ARHGAP26: variants seen among roughly 807,000 people sequenced by gnomAD.
ARHGAP26 encodes rho GTPase-activating protein 26.
In ARHGAP26, 38 loss-of-function variants were observed where a neutral mutation model predicts 104.8. The ratio of observed to expected loss-of-function variants is 0.36; its 90% CI spans 0.28 to 0.48. The LOEUF is 0.48. Ranked by LOEUF, ARHGAP26 falls within the 20% of genes least tolerant of loss-of-function variation. ARHGAP26 has a pLI of 0.99. For missense variants in ARHGAP26, 704 were observed against 947.9 expected (o/e 0.74, Z 3.38); for synonymous variants, 341 against 340.0 (o/e 1.00, Z -0.03).
At chr5:143,154,653 A>AGGAC (rs1239140801) in intron 20 of ARHGAP26, among the ~76,000 whole-genome samples, 3 of 151,856 alleles carry the variant, frequency 2.0e-5, no homozygotes, top group Non-Finnish European at 2.9e-5. Flanking sequence ...GGAGGAAGGA[A>AGGAC]CTTCTGCTGT....
intron 22 of ARHGAP26, among the ~76,000 whole-genome samples, chr5:143,217,859 G>A (rs546286405): frequency 5.9e-5 from 9 of 152,302 alleles, no homozygotes; most frequent in Non-Finnish European, 1.2e-4. Context: ...AGTCATCTTT[G>A]AAAATGAAAA....
intron 17 of ARHGAP26, among the ~76,000 whole-genome samples, chr5:143,117,337 A>G (rs1266026569): frequency 6.6e-6 from 1 of 152,190 alleles, no homozygotes; most frequent in Admixed American, 6.5e-5. Context: ...ATCGAGCTAT[A>G]ATGGATGGCT....
At chr5:142,996,087 T>G (rs1365859091) in intron 11 of ARHGAP26, among the ~76,000 whole-genome samples, 1 of 152,138 alleles carries the variant, frequency 6.6e-6, no homozygotes, top group African/African-American at 2.4e-5. Flanking sequence ...AAATACCTAA[T>G]GTAGGTGACG....
At chr5:143,106,372 G>A (rs774570893) in intron 17 of ARHGAP26, among the ~76,000 whole-genome samples, 1 of 151,300 alleles carries the variant, frequency 6.6e-6, no homozygotes, top group Non-Finnish European at 1.5e-5. Context: ...GGCAACGATT[G>A]CACAGCTTCC....
chr5:142,890,154 ATATATATATATATATATATATATAT>A lies in ARHGAP26; in HGVS notation c.487-4083_487-4059del, dbSNP rs1758419119. On this transcript the variant is annotated intron_variant, in intron 5 of 22. Transcript: ENST00000645722. ...TCCGTCTTAAAAAAAAAAAAAAAATATATATATATATATATATATATATATATATATATATATATATATGAAAGTG... is the reference window on the plus strand; with the variant it reads ...TCCGTCTTAAAAAAAAAAAAAAAATAATATATATATATATATATGAAAGTG... 2.6e-4 allele frequency among the ~76,000 whole-genome samples: 12 copies of A among 46,216 alleles called. No homozygotes were observed. In the South Asian group the frequency reaches 6.1e-3, roughly 23 times the overall value. 30.3% of individuals were successfully genotyped at this position (46,216 alleles called of 152,430 possible).
chr5:142,804,238 G>A (rs904493592), intron 1 of ARHGAP26, among the ~76,000 whole-genome samples: 1 of 152,138 alleles, frequency 6.6e-6, no homozygotes, highest in Non-Finnish European at 1.5e-5. Flanking sequence ...CAAAGAACGA[G>A]ACCCAATATT....
At chr5:142,985,191 A>G (rs903483229) in intron 11 of ARHGAP26, among the ~76,000 whole-genome samples, 2 of 152,234 alleles carry the variant, frequency 1.3e-5, no homozygotes, top group African/African-American at 4.8e-5. Flanking sequence ...CTTGTTGAAT[A>G]AGGAAAAAAT....
At chr5:143,024,566 C>A (rs1340265850) in intron 12 of ARHGAP26, among the ~76,000 whole-genome samples, 1 of 152,088 alleles carries the variant, frequency 6.6e-6, no homozygotes, top group Non-Finnish European at 1.5e-5. Flanking sequence ...AAAATATTTC[C>A]CCCACTGCCA....
At chr5:143,103,951 A>G (rs1325941408) in intron 17 of ARHGAP26, among the ~76,000 whole-genome samples, 1 of 151,944 alleles carries the variant, frequency 6.6e-6, no homozygotes, top group Non-Finnish European at 1.5e-5. Context: ...AAATATATAT[A>G]TATACACACA....
intron 17 of ARHGAP26, among the ~76,000 whole-genome samples, chr5:143,060,373 T>A (rs1446359834): frequency 2.0e-5 from 3 of 152,186 alleles, no homozygotes; most frequent in Admixed American, 6.5e-5. Flanking sequence ...AAAACTGATT[T>A]CCCTTAGCCA....
chr5:142,941,036 C>G (rs1394210393), intron 11 of ARHGAP26, among the ~76,000 whole-genome samples: 1 of 126,812 alleles, frequency 7.9e-6, no homozygotes, highest in Non-Finnish European at 1.6e-5. Context: ...GATCATGCCA[C>G]TGCACTCCAG....
At chr5:142,809,165 G>C (rs1379036953) in intron 1 of ARHGAP26, among the ~76,000 whole-genome samples, 1 of 152,190 alleles carries the variant, frequency 6.6e-6, no homozygotes, top group Admixed American at 6.5e-5. Context: ...TATAAAATGT[G>C]CGTTTTCAGT....
intron 19 of ARHGAP26, among the ~76,000 whole-genome samples, chr5:143,135,386 A>G (rs1242926925): frequency 6.6e-6 from 1 of 152,204 alleles, no homozygotes; most frequent in African/African-American, 2.4e-5. Flanking sequence ...TATTGCCATC[A>G]TCATCATTAT....
At chr5:142,794,312 G>A (rs116200657) in intron 1 of ARHGAP26, among the ~76,000 whole-genome samples, 3,025 of 152,270 alleles carry the variant, frequency 0.02, 57 homozygotes, top group Middle Eastern at 0.048. Context: ...GGTAAAATAA[G>A]TGTTCTGAAA....
At chr5:143,183,208 C>T (rs1401000550) in intron 20 of ARHGAP26, among the ~76,000 whole-genome samples, 1 of 151,542 alleles carries the variant, frequency 6.6e-6, no homozygotes, top group African/African-American at 2.4e-5. Context: ...CAAATATTTA[C>T]AGAGCTGAGG....
chr5:142,914,874 A>G (rs1762278239), intron 10 of ARHGAP26, among the ~76,000 whole-genome samples: 1 of 152,176 alleles, frequency 6.6e-6, no homozygotes, highest in South Asian at 2.1e-4. Context: ...GCATCCTTGA[A>G]GGAGGTTCAG....
chr5:142,975,042 A>G (rs1772859303), intron 11 of ARHGAP26, among the ~76,000 whole-genome samples: 1 of 152,178 alleles, frequency 6.6e-6, no homozygotes, highest in African/African-American at 2.4e-5. Context: ...GGTACATCCA[A>G]CTTCAATCGT....
chr5:143,045,971 A>G (rs1784175291), intron 14 of ARHGAP26, among the ~76,000 whole-genome samples: 1 of 152,182 alleles, frequency 6.6e-6, no homozygotes, highest in South Asian at 2.1e-4. Flanking sequence ...TTCTCTACTA[A>G]AAATACAAAA....
intron 12 of ARHGAP26, among the ~76,000 whole-genome samples, chr5:143,030,211 G>A (rs548988193): frequency 2.0e-3 from 298 of 152,246 alleles, no homozygotes; most frequent in Non-Finnish European, 3.6e-3. Flanking sequence ...CAGGTCTCAC[G>A]GGTAGCATGA....
Sources: gnomAD v4.1 joint callset for allele counts (sites outside exome capture counted in the v4.1 genomes callset) on GRCh38, gnomAD v4.1.1 for gene constraint, MANE v1.5 for transcripts, NCBI Gene and HGNC (gene_info 2026-07-23, HGNC 2026-07-21) for gene names.